Variants in EML5 observed in about 807,000 individuals in gnomAD.
EML5 encodes echinoderm microtubule-associated protein-like 5.
In EML5, 120 loss-of-function variants were observed where a neutral mutation model predicts 250.0. That is an observed-to-expected ratio of 0.48 (90% CI 0.41 to 0.56). The LOEUF is 0.56. EML5 is among the 20% of genes least tolerant of loss of function. The pLI, the probability that EML5 is intolerant of heterozygous loss-of-function variation, is 0.00. For synonymous variants in EML5, 771 were observed against 806.5 expected (o/e 0.96, Z 0.75); for missense variants, 2,006 against 2,437.6 (o/e 0.82, Z 3.73).
chr14:88,618,300 T>G lies in EML5; in HGVS notation c.5570A>C (p.Tyr1857Ser). 6.2e-7 allele frequency: 1 copy of G among 1,613,800 alleles called. No individual in the cohort carries two copies. Among genetic ancestry groups the G allele is most frequent in the Non-Finnish European group, 8.5e-7 (1 of 1,179,866 alleles). ...VSSGCYKRHV[Y>S]EVPSGKHLMD... ...AAGATGTTTTCCTGAAGGCACTTCA[T>G]AGACATGCCGTTTATAGCAGCCACT... Residue 1857 changes from tyrosine to serine, a missense_variant, in exon 41 of 44, where the codon TAT becomes TCT. Physicochemically the swap from Tyr to Ser is moderately radical, Grantham distance 144 (BLOSUM62 -2). Transcript: ENST00000554922.
intron 19 of EML5, among the ~76,000 whole-genome samples, chr14:88,686,681 G>C (rs933120125): frequency 6.6e-6 from 1 of 152,124 alleles, no homozygotes; most frequent in African/African-American, 2.4e-5. Context: ...TATGGTGGCA[G>C]GCGCCTTTAG....
At chr14:88,777,268 G>A (rs1369728548) in intron 1 of EML5, among the ~76,000 whole-genome samples, 1 of 152,104 alleles carries the variant, frequency 6.6e-6, no homozygotes, top group Non-Finnish European at 1.5e-5. Context: ...TTACAAGCCT[G>A]GAGACAGTGG....
chr14:88,707,119 T>C (rs2093330481), intron 10 of EML5, among the ~76,000 whole-genome samples: 1 of 152,154 alleles, frequency 6.6e-6, no homozygotes, highest in Non-Finnish European at 1.5e-5. Flanking sequence ...TTTGGATATG[T>C]CATTTCAGGG....
At chr14:88,699,881 C>T (rs902411007) in intron 14 of EML5, among the ~76,000 whole-genome samples, 3 of 152,072 alleles carry the variant, frequency 2.0e-5, no homozygotes, top group Non-Finnish European at 4.4e-5. Context: ...TATTTATCTC[C>T]ATTTTAGATA....
chr14:88,635,332 C>A (rs1005479603), intron 32 of EML5, among the ~76,000 whole-genome samples: 1 of 152,132 alleles, frequency 6.6e-6, no homozygotes, highest in Admixed American at 6.6e-5. Flanking sequence ...GCTGAGCAGA[C>A]CACATAGGAA....
intron 25 of EML5, among the ~76,000 whole-genome samples, chr14:88,660,194 G>A (rs2092030239): frequency 6.6e-6 from 1 of 151,114 alleles, no homozygotes; most frequent in Non-Finnish European, 1.5e-5. Flanking sequence ...GAGGTGGGAG[G>A]ATAACTTGGG....
chr14:88,617,138 G>C, intron 41 of EML5: 1 of 278,170 alleles, frequency 3.6e-6, no homozygotes, highest in Non-Finnish European at 6.7e-6. Context: ...AAAACTGATA[G>C]AACTATTTTT....
intron 14 of EML5, among the ~76,000 whole-genome samples, chr14:88,700,767 T>C (rs1425343245): frequency 6.6e-6 from 1 of 152,182 alleles, no homozygotes; most frequent in East Asian, 1.9e-4. Context: ...AAAGTGCCTG[T>C]ACCGGAAAGG....
chr14:88,792,282 G>C lies in EML5; in HGVS notation c.197+25C>G, dbSNP rs376967962. 1 of 1,543,660 alleles carries C rather than the reference G, an allele frequency of 6.5e-7. No individual in the cohort carries two copies. The highest frequency in any genetic ancestry group is 8.7e-7 in the Non-Finnish European group (1 of 1,146,046). ...CTCCGGGAGCGGCTTGCAGGGTGACGGCGGCGGCCCCCGCTCCCCGGTACC... is the reference window on the plus strand; with the variant it reads ...CTCCGGGAGCGGCTTGCAGGGTGACCGCGGCGGCCCCCGCTCCCCGGTACC... On this transcript the variant is annotated intron_variant, in intron 1 of 43. Transcript: ENST00000554922. This position sits in a 1 kb window ranked among gnomAD's most constrained non-coding sequence, Gnocchi z 6.9.
intron 29 of EML5, among the ~76,000 whole-genome samples, chr14:88,646,410 G>T (rs189299037): frequency 3.9e-5 from 6 of 152,080 alleles, no homozygotes; most frequent in Admixed American, 6.5e-5. Flanking sequence ...ATGCCCACAA[G>T]TAAAAATAAA....
intron 42 of EML5, 167 bp downstream of exon 42, chr14:88,616,559 G>T: frequency 1.4e-6 from 1 of 690,562 alleles, no homozygotes; most frequent in Non-Finnish European, 2.4e-6. Context: ...ACTCGAGGGA[G>T]AGGATTTGTT....
intron 10 of EML5, among the ~76,000 whole-genome samples, chr14:88,707,515 A>G (rs1049020098): frequency 6.6e-5 from 10 of 152,108 alleles, no homozygotes; most frequent in African/African-American, 1.7e-4. Context: ...ACAGGATACA[A>G]TGATGCTTAG....
chr14:88,709,320 A>G (rs897575291), intron 10 of EML5, among the ~76,000 whole-genome samples: 3 of 151,936 alleles, frequency 2.0e-5, no homozygotes, highest in African/African-American at 7.3e-5. Context: ...AAGGCAAGCC[A>G]AAAACTGGGA....
intron 8 of EML5, among the ~76,000 whole-genome samples, chr14:88,725,070 A>T (rs1239049454): frequency 1.3e-5 from 2 of 152,186 alleles, no homozygotes; most frequent in Admixed American, 6.5e-5. Flanking sequence ...TCATTTTTTT[A>T]AAATATGAGG....
chr14:88,691,480 C>A (rs1286642346), intron 17 of EML5, among the ~76,000 whole-genome samples: 1 of 152,214 alleles, frequency 6.6e-6, no homozygotes. Context: ...ATGATACACA[C>A]AGCATAACAT....
chr14:88,779,783 T>C (rs2140748123), intron 1 of EML5, among the ~76,000 whole-genome samples: 1 of 152,276 alleles, frequency 6.6e-6, no homozygotes, highest in East Asian at 1.9e-4. Context: ...TATACTGGCT[T>C]TGTCACAGTT....
chr14:88,638,638 A>G (rs760421045), intron 32 of EML5, among the ~76,000 whole-genome samples, 171 bp downstream of exon 32: 8 of 152,236 alleles, frequency 5.3e-5, no homozygotes, highest in Non-Finnish European at 1.0e-4. Flanking sequence ...AGTGAGTGAG[A>G]GAAAGGTACC....
chr14:88,645,052 A>C, intron 29 of EML5, among the ~76,000 whole-genome samples: 1 of 126,178 alleles, frequency 7.9e-6, no homozygotes, highest in South Asian at 2.5e-4. Context: ...TTTTAGACCA[A>C]GTTTCACTTT....
intron 20 of EML5, among the ~76,000 whole-genome samples, chr14:88,682,301 T>C (rs143234705): frequency 3.9e-4 from 60 of 152,164 alleles, no homozygotes; most frequent in African/African-American, 1.3e-3. Flanking sequence ...AGAATAGGAA[T>C]TGGCTGCTCT....
Sources: allele counts gnomAD v4.1 joint callset (sites outside exome capture counted in the v4.1 genomes callset), GRCh38; gene constraint gnomAD v4.1.1; non-coding constraint Gnocchi (gnomAD v3.1); transcripts MANE v1.5; gene names NCBI Gene and HGNC (gene_info 2026-07-23, HGNC 2026-07-21).